CD99L2: variants seen among roughly 807,000 people sequenced by gnomAD.
CD99L2 encodes CD99 antigen-like protein 2.
Under a neutral mutation model 27.3 loss-of-function variants are expected in CD99L2, and 24 were observed. The observed-to-expected ratio is 0.88, with a 90% CI of 0.64 to 1.24. The LOEUF (loss-of-function observed/expected upper bound fraction) is 1.24, where lower values mean the gene tolerates loss of function less well. Among genes scored for constraint, CD99L2 ranks in the 50% most tolerant of loss-of-function variants. The pLI, the probability that CD99L2 is intolerant of heterozygous loss-of-function variation, is 0.00. For missense variants in CD99L2, 255 were observed against 221.6 expected (o/e 1.15, Z -0.96); for synonymous variants, 97 against 87.9 (o/e 1.10, Z -0.58).
At chrX:150,864,980 C>T (rs782527352) in intron 1 of CD99L2, among the ~76,000 whole-genome samples, 2 of 109,343 alleles carry the variant, frequency 1.8e-5, no homozygotes, top group East Asian at 2.9e-4. Flanking sequence ...GCAGGAGAAT[C>T]GCTTGAGCCC....
chrX:150,887,283 T>C lies in CD99L2; in HGVS notation c.67+11239A>G, dbSNP rs183336564. On this transcript the variant is annotated intron_variant, in intron 1 of 10. Coordinates refer to ENST00000370377, the MANE Select transcript of CD99L2 (RefSeq NM_031462.4). ...CAATATGGTGAAACCGTGTCTCTAC[T>C]ATTAATACAAAAATTAGCCAGGCAT... Among the ~76,000 whole-genome samples, 17 of 109,002 alleles carry C rather than the reference T, an allele frequency of 1.6e-4. No homozygotes were observed. The East Asian group carries it at 3.5e-3, about 22-fold the overall frequency. The allele number at this position is 109,002 out of a possible 115,157, so 94.7% of individuals were successfully genotyped here. A position where few individuals can be genotyped will look rare whatever the true frequency, so the allele number is the denominator to read the frequency against.
At chrX:150,883,895 C>T (rs187947621) in intron 1 of CD99L2, among the ~76,000 whole-genome samples, 191 of 111,800 alleles carry the variant, frequency 1.7e-3, no homozygotes, top group African/African-American at 6.0e-3. Context: ...AAGATGCAAA[C>T]GAAACCATTA....
chrX:150,836,573 C>T (rs1338733515), intron 1 of CD99L2, among the ~76,000 whole-genome samples: 1 of 111,111 alleles, frequency 9.0e-6, no homozygotes, highest in Non-Finnish European at 1.9e-5. Context: ...GTGATCTGCC[C>T]GCCTCAGCCT....
intron 2 of CD99L2, chrX:150,828,951 A>G (rs1449805705): frequency 9.0e-6 from 1 of 111,429 alleles, no homozygotes; most frequent in Non-Finnish European, 1.9e-5. Context: ...TTGCATAAAA[A>G]GGAAATAAAC....
At chrX:150,800,636 C>T (rs1270728615) in intron 4 of CD99L2, among the ~76,000 whole-genome samples, 1 of 110,860 alleles carries the variant, frequency 9.0e-6, no homozygotes, top group Non-Finnish European at 1.9e-5. Context: ...AGAACCAATG[C>T]CCAGCAAATA....
intron 4 of CD99L2, among the ~76,000 whole-genome samples, chrX:150,796,737 T>C (rs1268118267): frequency 8.9e-6 from 1 of 112,310 alleles, no homozygotes; most frequent in Non-Finnish European, 1.9e-5. Context: ...TGAGATCATA[T>C]TCTGAACCAG....
chrX:150,837,545 G>T, intron 1 of CD99L2, among the ~76,000 whole-genome samples: 1 of 112,183 alleles, frequency 8.9e-6, no homozygotes, highest in Non-Finnish European at 1.9e-5. Flanking sequence ...ACTGCACCCG[G>T]CCTGGAAGTA....
intron 1 of CD99L2, among the ~76,000 whole-genome samples, chrX:150,848,111 GC>G (rs372216723): frequency 0.014 from 1,291 of 93,306 alleles, 13 homozygotes; most frequent in Admixed American, 0.027. Flanking sequence ...TGGCCTGCAG[GC>G]CCCCCCCCCC....
At chrX:150,892,872 A>C (rs1223003951) in intron 1 of CD99L2, among the ~76,000 whole-genome samples, 1 of 111,631 alleles carries the variant, frequency 9.0e-6, no homozygotes, top group Non-Finnish European at 1.9e-5. Flanking sequence ...CTGTAATCCC[A>C]GCACTTTGGG....
intron 1 of CD99L2, among the ~76,000 whole-genome samples, chrX:150,876,854 G>C (rs1167103152): frequency 8.9e-6 from 1 of 112,320 alleles, no homozygotes; most frequent in Non-Finnish European, 1.9e-5. Flanking sequence ...TCAAAAGACA[G>C]ATAATTTCTC....
intron 7 of CD99L2, among the ~76,000 whole-genome samples, chrX:150,789,048 A>C (rs993566444): frequency 2.7e-5 from 3 of 110,727 alleles, no homozygotes; most frequent in Non-Finnish European, 3.8e-5. Flanking sequence ...TTCTTTGGTG[A>C]AGTCTCTTCA....
At chrX:150,841,397 C>T (rs1396892384) in intron 1 of CD99L2, among the ~76,000 whole-genome samples, 6 of 111,940 alleles carry the variant, frequency 5.4e-5, no homozygotes, top group Non-Finnish European at 9.4e-5. Context: ...ATGAGAGTAA[C>T]GGTCAGGGGA....
chrX:150,797,082 G>C (rs1313169973), intron 4 of CD99L2, among the ~76,000 whole-genome samples: 1 of 110,402 alleles, frequency 9.1e-6, no homozygotes, highest in Non-Finnish European at 1.9e-5. Context: ...ACTAATTCAA[G>C]ATGCTAGAAA....
intron 4 of CD99L2, among the ~76,000 whole-genome samples, chrX:150,797,015 T>C (rs1416573331): frequency 9.0e-6 from 1 of 111,497 alleles, no homozygotes; most frequent in African/African-American, 3.3e-5. Context: ...GAGAAGTTTA[T>C]AGCACTCAAT....
intron 1 of CD99L2, among the ~76,000 whole-genome samples, chrX:150,878,955 T>C (rs1199684271): frequency 3.6e-5 from 4 of 111,953 alleles, no homozygotes; most frequent in African/African-American, 1.3e-4. Flanking sequence ...ATTGCTACCA[T>C]TGCCTGCTCT....
intron 1 of CD99L2, among the ~76,000 whole-genome samples, chrX:150,839,084 A>T (rs2046582958): frequency 9.0e-6 from 1 of 111,059 alleles, no homozygotes; most frequent in Non-Finnish European, 1.9e-5. Context: ...AAGGAAACAG[A>T]TATGATATTA....
At chrX:150,770,510 G>A (rs917369045) in intron 9 of CD99L2, 141 bp from the exon 10 acceptor site, 1 of 485,034 alleles carries the variant, frequency 2.1e-6, no homozygotes, top group South Asian at 3.2e-5. Context: ...TGCACCCTGA[G>A]CCACCTGAAC....
chrX:150,770,169 G>C lies in CD99L2; in HGVS notation c.721+135C>G, dbSNP rs2043417903. On this transcript the variant is annotated intron_variant, in intron 10 of 10. Coordinates refer to ENST00000370377, the MANE Select transcript of CD99L2 (RefSeq NM_031462.4). ...TGAAACTGGGAGGCAGGCTCATCAG[G>C]GCAGGCTTTTGCTCTGGCCGGACAT... The C allele has an allele frequency of 9.2e-5, 53 of 573,156 alleles. 1 individual carries two copies. In the South Asian group the frequency reaches 1.2e-3, roughly 12 times the overall value. The allele number at this position is 573,156 out of a possible 1,213,427, so 47.2% of individuals were successfully genotyped here.
intron 1 of CD99L2, among the ~76,000 whole-genome samples, chrX:150,859,584 G>A (rs1442351263): frequency 9.3e-6 from 1 of 107,228 alleles, no homozygotes; most frequent in Non-Finnish European, 1.9e-5. Flanking sequence ...TACAATCTCC[G>A]CCTTCCAGGT....
Sources: allele counts gnomAD v4.1 joint callset (sites outside exome capture counted in the v4.1 genomes callset), GRCh38; gene constraint gnomAD v4.1.1; transcripts MANE v1.5; gene names NCBI Gene and HGNC (gene_info 2026-07-23, HGNC 2026-07-21).